The following BNC2 variants were observed in gnomAD, a reference collection of about 807,000 sequenced individuals.
BNC2 encodes the protein basonuclin zinc finger protein 2.
A neutral mutation model predicts 76.3 loss-of-function variants in BNC2; 20 were observed. That is an observed-to-expected ratio of 0.26 (90% CI 0.18 to 0.38). BNC2 has a LOEUF of 0.38. Among genes scored for constraint, BNC2 ranks in the 10% least tolerant of loss-of-function variants. The pLI is 1.00. For missense variants in BNC2, 1,382 were observed against 1,399.8 expected (o/e 0.99, Z 0.20); for synonymous variants, 582 against 514.8 (o/e 1.13, Z -1.77).
intron 5 of BNC2, among the ~76,000 whole-genome samples, chr9:16,449,676 G>C (rs892026809): frequency 1.3e-5 from 2 of 152,024 alleles, no homozygotes; most frequent in Admixed American, 6.6e-5. Flanking sequence ...AAAAGGCTTT[G>C]GCACAGAGCT....
chr9:16,557,462 G>A (rs560279985), intron 4 of BNC2, among the ~76,000 whole-genome samples: 1 of 151,592 alleles, frequency 6.6e-6, no homozygotes, highest in East Asian at 1.9e-4. Flanking sequence ...TCGTACCACT[G>A]CACTCTAGCC....
intron 1 of BNC2, among the ~76,000 whole-genome samples, chr9:16,750,844 GTGAA>G (rs573152329): frequency 3.5e-4 from 53 of 152,328 alleles, no homozygotes; most frequent in African/African-American, 1.2e-3. Flanking sequence ...AAAAATTTGG[GTGAA>G]TGAATGAACA....
chr9:16,825,966 T>C (rs1818444901), intron 1 of BNC2, among the ~76,000 whole-genome samples: 1 of 152,134 alleles, frequency 6.6e-6, no homozygotes, highest in South Asian at 2.1e-4. Flanking sequence ...TCCAGGGTTT[T>C]TCAAAGTTCA....
intron 3 of BNC2, among the ~76,000 whole-genome samples, chr9:16,669,098 C>A (rs1288016636): frequency 6.6e-6 from 1 of 152,136 alleles, no homozygotes; most frequent in Admixed American, 6.5e-5. Context: ...GGAAGACTTA[C>A]TGTAAATCAG....
At chr9:16,453,178 T>TA (rs1345023709) in intron 5 of BNC2, among the ~76,000 whole-genome samples, 1 of 152,214 alleles carries the variant, frequency 6.6e-6, no homozygotes, top group African/African-American at 2.4e-5. Flanking sequence ...AGGTAATAGA[T>TA]ATGTATTCTG....
At chr9:16,634,994 A>T (rs1465111712) in intron 3 of BNC2, among the ~76,000 whole-genome samples, 2 of 152,202 alleles carry the variant, frequency 1.3e-5, no homozygotes, top group African/African-American at 4.8e-5. Context: ...TCTATTAGTA[A>T]TGTGGTCTGT....
chr9:16,672,413 C>T (rs186631177), intron 3 of BNC2, among the ~76,000 whole-genome samples: 38 of 152,176 alleles, frequency 2.5e-4, no homozygotes, highest in Non-Finnish European at 5.4e-4. Flanking sequence ...AGGAGAATGG[C>T]GTGAACCCGG....
chr9:16,858,708 T>A (rs1299061787), intron 1 of BNC2, among the ~76,000 whole-genome samples: 2 of 139,248 alleles, frequency 1.4e-5, no homozygotes, highest in African/African-American at 4.9e-5. Flanking sequence ...TAGCCAGGCA[T>A]GGTGGCGGGT....
At chr9:16,626,053 C>T (rs1438986334) in intron 3 of BNC2, 2 of 152,306 alleles carry the variant, frequency 1.3e-5, no homozygotes, top group Non-Finnish European at 2.9e-5. Flanking sequence ...AGTTGGGGCC[C>T]TTAAAAGAAA....
At chr9:16,778,150 A>G (rs1563938661) in intron 1 of BNC2, among the ~76,000 whole-genome samples, 1 of 152,210 alleles carries the variant, frequency 6.6e-6, no homozygotes, top group African/African-American at 2.4e-5. Context: ...AATGAAAAAC[A>G]ATGACTCTCA....
At chr9:16,683,718 CATA>C (rs1188229529) in intron 3 of BNC2, among the ~76,000 whole-genome samples, 4 of 152,130 alleles carry the variant, frequency 2.6e-5, no homozygotes, top group African/African-American at 4.8e-5. Flanking sequence ...TTATGGTGGA[CATA>C]ATATGTATAT....
At chr9:16,800,917 C>T (rs776257262) in intron 1 of BNC2, among the ~76,000 whole-genome samples, 7 of 152,170 alleles carry the variant, frequency 4.6e-5, no homozygotes, top group Non-Finnish European at 1.0e-4. Context: ...CAGGCAACTA[C>T]GTGTTTTAGA....
chr9:16,751,804 T>TTTA (rs1825221036), intron 1 of BNC2, among the ~76,000 whole-genome samples: 1 of 151,804 alleles, frequency 6.6e-6, no homozygotes, highest in Non-Finnish European at 1.5e-5. Context: ...CCGAGGCAGT[T>TTTA]TTATCACTTG....
chr9:16,461,876 T>G (rs1422037669), intron 5 of BNC2, among the ~76,000 whole-genome samples: 3 of 152,234 alleles, frequency 2.0e-5, no homozygotes, highest in Non-Finnish European at 4.4e-5. Flanking sequence ...GCCTGCTCAC[T>G]TCTCATGTGC....
At chr9:16,788,764 C>T (rs1817415886) in intron 1 of BNC2, among the ~76,000 whole-genome samples, 2 of 151,982 alleles carry the variant, frequency 1.3e-5, no homozygotes, top group Admixed American at 6.6e-5. Flanking sequence ...AAATCAACTC[C>T]TTCATATGCC....
At chr9:16,671,214 C>G (rs1425854664) in intron 3 of BNC2, among the ~76,000 whole-genome samples, 1 of 152,070 alleles carries the variant, frequency 6.6e-6, no homozygotes, top group East Asian at 1.9e-4. Context: ...TCATGCAAGT[C>G]ACTCTCTCAA....
chr9:16,707,412 T>G (rs1823711843), intron 3 of BNC2, among the ~76,000 whole-genome samples: 1 of 152,130 alleles, frequency 6.6e-6, no homozygotes, highest in Admixed American at 6.5e-5. Flanking sequence ...GATACACTTT[T>G]CTTCTTATAT....
intron 2 of BNC2, 95 bp downstream of exon 2, chr9:16,738,265 C>G: frequency 7.3e-7 from 1 of 1,369,984 alleles, no homozygotes; most frequent in South Asian, 1.2e-5. Context: ...AAAAGAGTGG[C>G]AGAAAGAAGA....
chr9:16,480,118 C>A (rs958030059), intron 5 of BNC2, among the ~76,000 whole-genome samples: 1 of 152,160 alleles, frequency 6.6e-6, no homozygotes, highest in African/African-American at 2.4e-5. Context: ...TAAATAGGTA[C>A]TTTTAATATT....
Sources: gnomAD v4.1 joint callset for allele counts (sites outside exome capture counted in the v4.1 genomes callset) on GRCh38, gnomAD v4.1.1 for gene constraint, MANE v1.5 for transcripts, NCBI Gene and HGNC (gene_info 2026-07-23, HGNC 2026-07-21) for gene names.